GCA: variants seen among roughly 807,000 people sequenced by gnomAD.
The protein encoded by GCA is grancalcin, EF-hand calcium-binding protein.
GCA carries 30 observed loss-of-function variants against 32.6 expected under a neutral mutation model. The observed-to-expected ratio is 0.92, with a 90% CI of 0.69 to 1.25. GCA has a LOEUF of 1.25. Ranked by LOEUF, GCA falls within the 50% of genes most tolerant of loss-of-function variation. The pLI is 0.00. For synonymous variants in GCA, 102 were observed against 84.6 expected, an observed-to-expected ratio of 1.21 and a Z score of -1.13; for missense variants, 291 against 266.8, an observed-to-expected ratio of 1.09 and a Z score of -0.63.
chr2:162,369,105 T>C (rs1685843691), intron 4 of GCA, among the ~76,000 whole-genome samples: 1 of 152,136 alleles, frequency 6.6e-6, no homozygotes, highest in Admixed American at 6.6e-5. Flanking sequence ...TTTGCTACAC[T>C]GCCATTATGA....
At chr2:162,339,612 G>A (rs1684376607), upstream of GCA, among the ~76,000 whole-genome samples, 1 of 152,170 alleles carries the variant, frequency 6.6e-6, no homozygotes, top group African/African-American at 2.4e-5. Flanking sequence ...AGTTAGGTGA[G>A]GTCATGAGAG....
upstream of GCA, chr2:162,318,964 T>C (rs1683572724): frequency 2.9e-6 from 1 of 341,728 alleles, no homozygotes; most frequent in Admixed American, 3.7e-5. Flanking sequence ...GTGCAGGGCA[T>C]AAAAGCATGT....
chr2:162,321,688 T>C (rs1233890569), intron 1 of GCA, among the ~76,000 whole-genome samples: 1 of 151,762 alleles, frequency 6.6e-6, no homozygotes, highest in Non-Finnish European at 1.5e-5. Flanking sequence ...ATACATCAGT[T>C]GTAAAATGGA....
intron 1 of GCA, among the ~76,000 whole-genome samples, chr2:162,345,407 A>C (rs1203417169): frequency 6.6e-6 from 1 of 152,154 alleles, no homozygotes; most frequent in African/African-American, 2.4e-5. Context: ...ACGTATTTTC[A>C]TTTGGTTGAA....
intron 7 of GCA, among the ~76,000 whole-genome samples, chr2:162,359,791 A>T (rs1685481747): frequency 6.7e-6 from 1 of 150,030 alleles, no homozygotes; most frequent in South Asian, 2.1e-4. Context: ...TTTTGAATTA[A>T]AAAAAAAATG....
downstream of GCA, among the ~76,000 whole-genome samples, chr2:162,363,732 T>A (rs999343266): frequency 6.6e-6 from 1 of 151,462 alleles, no homozygotes; most frequent in Non-Finnish European, 1.5e-5. Flanking sequence ...CTGCCATATC[T>A]CTTTCTACTT....
At chr2:162,354,269 C>G (rs971887842) in intron 3 of GCA, among the ~76,000 whole-genome samples, 1 of 152,098 alleles carries the variant, frequency 6.6e-6, no homozygotes, top group African/African-American at 2.4e-5. Context: ...TTTGGCTGGG[C>G]AGTTTTGTCT....
intron 4 of GCA, 72 bp from the exon 5 acceptor site, chr2:162,356,686 A>G (rs1685288257): frequency 8.5e-7 from 1 of 1,183,314 alleles, no homozygotes; most frequent in Non-Finnish European, 1.2e-6. Flanking sequence ...AAGCATACTC[A>G]TGTTTTAGTC....
chr2:162,367,099 C>G (rs1685775962), downstream of GCA, among the ~76,000 whole-genome samples: 1 of 151,860 alleles, frequency 6.6e-6, no homozygotes, highest in Non-Finnish European at 1.5e-5. Context: ...CACACCCCTT[C>G]AAGATATGTT....
downstream of GCA, among the ~76,000 whole-genome samples, chr2:162,373,114 T>C (rs1169595399): frequency 1.3e-5 from 2 of 152,158 alleles, no homozygotes; most frequent in African/African-American, 4.8e-5. Context: ...GACCCAGATT[T>C]TTCCTTAAAG....
intron 2 of GCA, among the ~76,000 whole-genome samples, chr2:162,351,446 T>C: frequency 6.6e-6 from 1 of 152,218 alleles, no homozygotes; most frequent in African/African-American, 2.4e-5. Flanking sequence ...CCGCTAATGC[T>C]ACCTAATTCA....
chr2:162,362,417 G>A lies in GCA; in HGVS notation c.*2174G>A, dbSNP rs989860039. 19 of 970,510 alleles carry A rather than the reference G, an allele frequency of 2.0e-5. No homozygotes were observed. Among genetic ancestry groups the A allele is most frequent in the South Asian group, 9.5e-5 (2 of 21,010 alleles). The allele number at this position is 970,510 out of a possible 1,614,324, so 60.1% of individuals were successfully genotyped here. On this transcript the variant is annotated 3_prime_UTR_variant, in exon 8 of 8. Coordinates refer to ENST00000437150, the MANE Select transcript of GCA (RefSeq NM_012198.5). ...ATACTGAAATACAGTTCACTTTTTC[G>A]ATGCTTTAAAAATAACTGATATTTT...
At chr2:162,365,594 T>C (rs1685727053), downstream of GCA, among the ~76,000 whole-genome samples, 1 of 151,726 alleles carries the variant, frequency 6.6e-6, no homozygotes, top group African/African-American at 2.4e-5. Flanking sequence ...GTAAGTGAGC[T>C]GCTTTGTATC....
At chr2:162,366,681 A>G (rs1419065415), downstream of GCA, among the ~76,000 whole-genome samples, 3 of 151,982 alleles carry the variant, frequency 2.0e-5, no homozygotes, top group Non-Finnish European at 4.4e-5. Flanking sequence ...AACCACAAGA[A>G]AAAACTTTGG....
intron 2 of GCA, among the ~76,000 whole-genome samples, chr2:162,350,498 C>G (rs1576288244): frequency 6.6e-6 from 1 of 152,044 alleles, no homozygotes; most frequent in East Asian, 1.9e-4. Flanking sequence ...CTTAACTGTT[C>G]TACTCATTAT....
chr2:162,356,806 G>T lies in GCA; in HGVS notation c.355G>T (p.Ala119Ser). 6.2e-7 allele frequency: 1 copy of T among 1,603,196 alleles called. No individual in the cohort carries two copies. The highest frequency in any genetic ancestry group is 8.5e-7 in the Non-Finnish European group (1 of 1,170,738). Residue 119 changes from alanine (A) to serine (S), a missense_variant, in exon 5 of 8, where the codon GCA (alanine) becomes TCA (serine). Ala to Ser is a moderately conservative substitution (Grantham distance 99, BLOSUM62 1). Coordinates refer to ENST00000437150, the MANE Select transcript of GCA (RefSeq NM_012198.5). ...MGFNAFKELW[A>S]ALNAWKENFM... Reference sequence around the variant, plus strand: ...ATTTAATGCATTCAAAGAGCTATGGGCAGCTCTTAATGCCTGGAAGGAAAA... The same window carrying T: ...ATTTAATGCATTCAAAGAGCTATGGTCAGCTCTTAATGCCTGGAAGGAAAA...
At chr2:162,345,780 G>C (rs113496488) in intron 1 of GCA, among the ~76,000 whole-genome samples, 3,088 of 152,270 alleles carry the variant, frequency 0.02, 119 homozygotes, top group African/African-American at 0.072. Context: ...AGATACATTG[G>C]ATAAAATTTT....
chr2:162,360,216 G>C lies in GCA; in HGVS notation c.628-1G>C. The C allele has an allele frequency of 6.6e-7, 1 of 1,526,502 alleles. No homozygotes were observed. The highest frequency in any genetic ancestry group is 9.0e-7 in the Non-Finnish European group (1 of 1,108,936). The allele number at this position is 1,526,502 out of a possible 1,614,324, so 94.6% of individuals were successfully genotyped here. On this transcript the variant is annotated splice_acceptor_variant, in intron 7 of 7. Transcript: ENST00000437150. LOFTEE classifies it high-confidence loss of function. ...AGATAATAATTTCACTTATGTATTA[G>C]TTTTTGCAGGGCACTATGGCAATTT...
chr2:162,346,932 C>T (rs1157776716), intron 1 of GCA, among the ~76,000 whole-genome samples: 1 of 152,094 alleles, frequency 6.6e-6, no homozygotes, highest in Non-Finnish European at 1.5e-5. Context: ...TAATAAGTCA[C>T]AATAGGCTGA....
Sources: gnomAD v4.1 joint callset for allele counts (sites outside exome capture counted in the v4.1 genomes callset) on GRCh38, gnomAD v4.1.1 for gene constraint, MANE v1.5 for transcripts, NCBI Gene and HGNC (gene_info 2026-07-23, HGNC 2026-07-21) for gene names.